The following ASMTL variants were observed in gnomAD, a reference collection of about 807,000 sequenced individuals.
ASMTL encodes the protein probable bifunctional dTTP/UTP pyrophosphatase/methyltransferase protein.
ASMTL carries 57 observed loss-of-function variants against 60.3 expected under a neutral mutation model. The observed-to-expected ratio is 0.95, with a 90% CI of 0.76 to 1.18. The LOEUF (loss-of-function observed/expected upper bound fraction) is 1.18. Among genes scored for constraint, ASMTL ranks in the 50% most tolerant of loss-of-function variants. ASMTL has a pLI of 0.00. For synonymous variants in ASMTL, 419 were observed against 373.0 expected (o/e 1.12, Z -1.42); for missense variants, 981 against 852.6 (o/e 1.15, Z -1.88).
intron 11 of ASMTL, among the ~76,000 whole-genome samples, chrX:1,415,559 A>G (rs1425725925): frequency 4.0e-5 from 6 of 149,820 alleles, no homozygotes; most frequent in Admixed American, 2.7e-4. Flanking sequence ...TCCGCCTCCC[A>G]GGTTCAAGCG....
intron 1 of ASMTL, among the ~76,000 whole-genome samples, chrX:1,444,132 T>C (rs2091182434): frequency 6.6e-6 from 1 of 151,842 alleles, no homozygotes; most frequent in Admixed American, 6.6e-5. Flanking sequence ...CCGCAATCAA[T>C]TTTCCCTCAC....
At chrX:1,432,226 TTCCACACGTGTCCCCCG>T in intron 6 of ASMTL, 26 bp downstream of exon 6, 1 of 1,508,300 alleles carries the variant, frequency 6.6e-7, no homozygotes, top group Non-Finnish European at 9.1e-7. Flanking sequence ...GTGGCCAGGC[TTCCACACGTGTCCCCCG>T]TCCCCCCACC....
At chrX:1,433,865 C>A (rs1206232443) in intron 5 of ASMTL, among the ~76,000 whole-genome samples, 1 of 152,076 alleles carries the variant, frequency 6.6e-6, no homozygotes, top group Non-Finnish European at 1.5e-5. Flanking sequence ...CATAACAAAA[C>A]CCCAAGCTGG....
In ASMTL at chrX:1,418,029, A is replaced by G; in HGVS notation, c.1466T>C (p.Leu489Pro). 3.1e-6 allele frequency: 5 copies of G among 1,613,624 alleles called. No individual in the cohort carries two copies. Among genetic ancestry groups the G allele is most frequent in the Non-Finnish European group, 4.2e-6 (5 of 1,179,660 alleles). ...TVFDLPDIIELAAHFQPPGPQ... is the reference protein window; with the variant it reads ...TVFDLPDIIEPAAHFQPPGPQ... ...TCCGGGGGGTTGGAAGTGGGCGGCCAGCTCGATAATGTCTGGGAGGTCAAA... is the reference window on the plus strand; with the variant it reads ...TCCGGGGGGTTGGAAGTGGGCGGCCGGCTCGATAATGTCTGGGAGGTCAAA... The change falls in exon 11 of 13, where the codon CTG (leucine) becomes CCG (proline). Residue 489 changes from leucine to proline, a missense_variant. Physicochemically the swap from Leu to Pro is moderately conservative, Grantham distance 98. Transcript: ENST00000381317.
At chrX:1,403,581 G>A (rs1351430298) in intron 12 of ASMTL, 92 bp from the exon 13 acceptor site, 2 of 1,218,130 alleles carry the variant, frequency 1.6e-6, no homozygotes, top group Non-Finnish European at 2.4e-6. Context: ...CAGGAGCTCA[G>A]AACGGTGAGC....
intron 1 of ASMTL, among the ~76,000 whole-genome samples, chrX:1,447,853 C>T (rs373748610): frequency 6.6e-6 from 1 of 151,750 alleles, no homozygotes; most frequent in African/African-American, 2.4e-5. Flanking sequence ...GGACACACAC[C>T]ATCTGGGACA....
intron 2 of ASMTL, among the ~76,000 whole-genome samples, chrX:1,439,676 G>A (rs1157909616): frequency 2.0e-5 from 3 of 151,694 alleles, no homozygotes; most frequent in Admixed American, 6.6e-5. Flanking sequence ...GTGAAACCCC[G>A]TCTCTACTAA....
At chrX:1,405,552 T>C (rs2089790335) in intron 12 of ASMTL, among the ~76,000 whole-genome samples, 2 of 148,430 alleles carry the variant, frequency 1.3e-5, no homozygotes, top group African/African-American at 2.5e-5. Flanking sequence ...GACGGATGGA[T>C]GGATAGATGG....
chrX:1,436,477 C>T (rs1306602297), intron 3 of ASMTL, among the ~76,000 whole-genome samples: 1 of 152,160 alleles, frequency 6.6e-6, no homozygotes, highest in Non-Finnish European at 1.5e-5. Context: ...CTCAGCCTCC[C>T]GAGTAGCTGG....
chrX:1,438,083 G>A (rs1603451586), intron 3 of ASMTL, among the ~76,000 whole-genome samples: 1 of 151,526 alleles, frequency 6.6e-6, no homozygotes, highest in African/African-American at 2.4e-5. Context: ...GAGGTCGGGA[G>A]TTTGAGACCA....
At chrX:1,448,880 C>T (rs2091290416) in intron 1 of ASMTL, among the ~76,000 whole-genome samples, 5 of 152,202 alleles carry the variant, frequency 3.3e-5, no homozygotes, top group Admixed American at 3.3e-4. Flanking sequence ...ACACACACCG[C>T]CATCTTGGAC....
chrX:1,427,878 C>T lies in ASMTL; in HGVS notation c.753G>A (p.Arg251=). 1 of 1,613,288 alleles carries T rather than the reference C, an allele frequency of 6.2e-7. No individual in the cohort carries two copies. Among genetic ancestry groups the T allele is most frequent in the South Asian group, 1.1e-5 (1 of 91,068 alleles). Residue 251 remains arginine (R), a synonymous_variant, in exon 7 of 13, where the codon AGG becomes AGA. Transcript: ENST00000381317. The part of the protein sequence containing the change: ...VEGGGSEPTQ[R]DAGSRDEKAE... Reference sequence around the variant, plus strand: ...CCTTCTCATCGCGGCTGCCCGCGTCCCTCTGAGTGGGCTCCGAGCCGCCCC... The same window carrying T: ...CCTTCTCATCGCGGCTGCCCGCGTCTCTCTGAGTGGGCTCCGAGCCGCCCC...
In ASMTL at chrX:1,436,049, C is replaced by T. The variant is rs145574154; in HGVS notation, c.274-291G>A. On this transcript the variant is annotated intron_variant, in intron 3 of 12. Transcript: ENST00000381317. ...CGCCCATCCTCTTTCTTTCACCGTG[C>T]GTTTGCCTGTTGCGGACGTGGTGTA... Among the ~76,000 whole-genome samples the T allele has an allele frequency of 2.5e-3, 377 of 152,276 alleles. 6 individuals carry two copies. Among genetic ancestry groups the T allele is most frequent in the African/African-American group, 8.4e-3 (351 of 41,560 alleles).
At chrX:1,424,481 CATCCACACGCCCACTCATCCATCT>C (rs1375886728) in intron 8 of ASMTL, among the ~76,000 whole-genome samples, 1 of 151,282 alleles carries the variant, frequency 6.6e-6, no homozygotes, top group African/African-American at 2.4e-5. Context: ...CACGCCCACC[CATCCACACGCCCACTCATCCATCT>C]ATCCACACAT....
intron 9 of ASMTL, among the ~76,000 whole-genome samples, chrX:1,420,721 C>T (rs2090462668): frequency 6.6e-6 from 1 of 152,258 alleles, no homozygotes; most frequent in Admixed American, 6.5e-5. Flanking sequence ...ACAGCGGCCT[C>T]AGATAAGCAA....
chrX:1,415,391 G>A (rs1163346667), intron 11 of ASMTL, among the ~76,000 whole-genome samples: 10 of 151,356 alleles, frequency 6.6e-5, no homozygotes, highest in South Asian at 4.1e-4. Context: ...CTCCCCTCAC[G>A]TCTCGGCTAC....
intron 3 of ASMTL, among the ~76,000 whole-genome samples, chrX:1,437,617 G>A (rs1440968199): frequency 2.0e-5 from 3 of 152,192 alleles, no homozygotes; most frequent in African/African-American, 7.2e-5. Flanking sequence ...AAAGACATGG[G>A]CCGGGCGTGG....
rs1368898981 is a variant in ASMTL at position 1,443,425 on chromosome X, C to CGCCGCCATCGTGG, written c.94-1109_94-1108insCCACGATGGCGGC. On this transcript the variant is annotated intron_variant, in intron 1 of 12. Transcript: ENST00000381317. ...GACACACGCCGCCATCTTGGACACA[C>CGCCGCCATCGTGG]ACCGCCATCTTGGACAGACACCGCC... Among the ~76,000 whole-genome samples, 12 of 143,534 alleles carry CGCCGCCATCGTGG rather than the reference C, an allele frequency of 8.4e-5. 1 individual carries two copies. Among genetic ancestry groups the CGCCGCCATCGTGG allele is most frequent in the African/African-American group, 3.0e-4 (11 of 36,450 alleles). The allele number at this position is 143,534 out of a possible 152,430, so 94.2% of individuals were successfully genotyped here. A position where few individuals can be genotyped will look rare whatever the true frequency, so the allele number is the denominator to read the frequency against.
chrX:1,432,404 G>C (rs370570668), intron 5 of ASMTL, 27 bp from the exon 6 acceptor site: 2 of 1,583,070 alleles, frequency 1.3e-6, no homozygotes, highest in Non-Finnish European at 8.7e-7. Context: ...GTGGGGGTGA[G>C]CGTGGACGCC....
Sources: allele counts gnomAD v4.1 joint callset (sites outside exome capture counted in the v4.1 genomes callset), GRCh38; gene constraint gnomAD v4.1.1; transcripts MANE v1.5; gene names NCBI Gene and HGNC (gene_info 2026-07-23, HGNC 2026-07-21).